AIG1: variants seen among roughly 807,000 people sequenced by gnomAD.
AIG1 encodes androgen-induced gene 1 protein.
AIG1 carries 23 observed loss-of-function variants against 31.4 expected under a neutral mutation model. That is an observed-to-expected ratio of 0.73 (90% CI 0.53 to 1.04). The LOEUF (loss-of-function observed/expected upper bound fraction) is 1.04. Ranked by LOEUF, AIG1 falls within the 50% of genes least tolerant of loss-of-function variation. AIG1 has a pLI of 0.00. For missense variants in AIG1, 274 were observed against 295.0 expected (o/e 0.93, Z 0.52); for synonymous variants, 100 against 110.5 (o/e 0.90, Z 0.60).
At chr6:143,132,678 T>A (rs887969839) in intron 1 of AIG1, among the ~76,000 whole-genome samples, 1 of 151,968 alleles carries the variant, frequency 6.6e-6, no homozygotes, top group Non-Finnish European at 1.5e-5. Context: ...CCTTTGGGTC[T>A]CCAATACACA....
downstream of AIG1, chr6:143,343,228 T>G (rs762345605): frequency 9.4e-5 from 63 of 673,320 alleles, no homozygotes; most frequent in Non-Finnish European, 1.6e-4. Flanking sequence ...GGACGGAAAT[T>G]TTTTGATTAT....
chr6:143,177,683 A>G (rs1258210490), intron 3 of AIG1, among the ~76,000 whole-genome samples: 1 of 152,174 alleles, frequency 6.6e-6, no homozygotes, highest in Non-Finnish European at 1.5e-5. Flanking sequence ...GGGCTCCGGC[A>G]GTAGGGAGCA....
At chr6:143,088,117 C>G (rs945914805) in intron 1 of AIG1, among the ~76,000 whole-genome samples, 4 of 152,158 alleles carry the variant, frequency 2.6e-5, no homozygotes, top group Non-Finnish European at 5.9e-5. Context: ...TTTCTGTGTG[C>G]AGTAATCATG....
chr6:143,146,879 AT>A (rs1784761046), intron 2 of AIG1, among the ~76,000 whole-genome samples: 1 of 152,156 alleles, frequency 6.6e-6, no homozygotes, highest in African/African-American at 2.4e-5. Context: ...ACTTTCATTC[AT>A]TGTACCTTTT....
chr6:143,214,138 A>G (rs1421461879), intron 3 of AIG1, among the ~76,000 whole-genome samples: 2 of 152,202 alleles, frequency 1.3e-5, no homozygotes, highest in African/African-American at 4.8e-5. Flanking sequence ...CAGAAGGGAA[A>G]TGCCTCCGTG....
chr6:143,232,581 CCTTT>C (rs768236571), intron 3 of AIG1, among the ~76,000 whole-genome samples: 2 of 152,176 alleles, frequency 1.3e-5, no homozygotes, highest in Non-Finnish European at 2.9e-5. Context: ...AATAATCCTT[CCTTT>C]GAGGTAAAAA....
chr6:143,122,587 C>G lies in AIG1; in HGVS notation c.142-14248C>G, dbSNP rs113297787. Among the ~76,000 whole-genome samples the G allele has an allele frequency of 3.1e-3, 465 of 152,270 alleles. 5 individuals carry two copies. The highest frequency in any genetic ancestry group is 0.011 in the African/African-American group (446 of 41,544). On this transcript the variant is annotated intron_variant, in intron 1 of 5. Coordinates refer to ENST00000357847, the MANE Select transcript of AIG1 (RefSeq NM_016108.4). ...TTTATAAAATCTCTAATTTTTAGAA[C>G]ATATGTTTCTTTCTATTCGATTCTA...
chr6:143,243,846 G>A (rs1247457453), intron 3 of AIG1, among the ~76,000 whole-genome samples: 1 of 152,184 alleles, frequency 6.6e-6, no homozygotes, highest in African/African-American at 2.4e-5. Context: ...GACTGCATAT[G>A]TGGCACTCAT....
intron 3 of AIG1, among the ~76,000 whole-genome samples, chr6:143,213,508 CTTTTTTTTTTTTTTT>C (rs746350692): frequency 3.3e-5 from 2 of 61,200 alleles, no homozygotes; most frequent in African/African-American, 1.2e-4. Flanking sequence ...TTTCTTTCTT[CTTTTTTTTTTTTTTT>C]TTTTTTTTTT....
chr6:143,263,275 GT>G (rs34950112), intron 3 of AIG1, among the ~76,000 whole-genome samples: 89 of 146,558 alleles, frequency 6.1e-4, no homozygotes, highest in African/African-American at 1.8e-3. Flanking sequence ...TCCTTTATTT[GT>G]TTTTTTTTTT....
chr6:143,111,806 A>G (rs1781297515), intron 1 of AIG1, among the ~76,000 whole-genome samples: 1 of 152,044 alleles, frequency 6.6e-6, no homozygotes. Context: ...TTGTTTCCCC[A>G]TGTCTAGTGA....
Position 143,280,279 on chromosome 6 carries a change from A to G in AIG1, c.400-3831A>G, listed in dbSNP as rs1797254307. Among the ~76,000 whole-genome samples the G allele has an allele frequency of 6.6e-6, 1 of 152,208 alleles. No individual in the cohort carries two copies. Among genetic ancestry groups the G allele is most frequent in the Admixed American group, 6.5e-5 (1 of 15,286 alleles). On this transcript the variant is annotated intron_variant, in intron 3 of 5. Coordinates refer to ENST00000357847, the MANE Select transcript of AIG1 (RefSeq NM_016108.4). The surrounding 1 kb of genome is among the most constrained non-coding windows in gnomAD (Gnocchi z 4.1). Reference sequence around the variant, plus strand: ...GGAACACTTATACACTGTTGGTGGGAGTGTAATTCAACCCATTGTTGAAGG... The same window carrying G: ...GGAACACTTATACACTGTTGGTGGGGGTGTAATTCAACCCATTGTTGAAGG...
intron 1 of AIG1, among the ~76,000 whole-genome samples, chr6:143,135,982 A>G (rs1783693390): frequency 6.6e-6 from 1 of 152,164 alleles, no homozygotes; most frequent in African/African-American, 2.4e-5. Flanking sequence ...TTGAATGATC[A>G]TCTATCTAGC....
intron 1 of AIG1, among the ~76,000 whole-genome samples, chr6:143,120,989 G>A (rs897646266): frequency 6.6e-6 from 1 of 152,248 alleles, no homozygotes; most frequent in Non-Finnish European, 1.5e-5. Flanking sequence ...TGTGCCTTAA[G>A]GACATGCTCC....
rs911038327 is a variant in AIG1, at chr6:143,328,467, G to A, written c.516-4815G>A. Among the ~76,000 whole-genome samples the A allele has an allele frequency of 7.2e-5, 11 of 152,066 alleles. No individual in the cohort carries two copies. The highest frequency in any genetic ancestry group is 2.6e-4 in the Admixed American group (4 of 15,276). ...AGTGGGAGGTTTAAAAAAAGTTGGG[G>A]AATAATCCCTGTGTACCCATGGCAC... is the stretch of plus-strand genomic sequence containing the variant. On this transcript the variant is annotated intron_variant, in intron 4 of 5. Transcript: ENST00000357847. The surrounding 1 kb of genome is among the most constrained non-coding windows in gnomAD (Gnocchi z 4.0).
chr6:143,304,574 G>A (rs993920070), intron 4 of AIG1, among the ~76,000 whole-genome samples: 1 of 152,156 alleles, frequency 6.6e-6, no homozygotes, highest in African/African-American at 2.4e-5. Flanking sequence ...CAGGGATGAA[G>A]CCCACTTGAT....
intron 2 of AIG1, among the ~76,000 whole-genome samples, chr6:143,153,878 G>A (rs1393347989): frequency 2.0e-5 from 3 of 151,668 alleles, no homozygotes; most frequent in Non-Finnish European, 4.4e-5. Context: ...TGAAATAATA[G>A]TCTCTGACAT....
intron 2 of AIG1, among the ~76,000 whole-genome samples, chr6:143,140,208 G>A (rs560879899): frequency 2.6e-5 from 4 of 151,962 alleles, no homozygotes; most frequent in Non-Finnish European, 2.9e-5. Context: ...GGAAAAACTC[G>A]CCCCCATGAT....
chr6:143,174,879 T>G (rs1425615067), intron 3 of AIG1, among the ~76,000 whole-genome samples: 2 of 152,208 alleles, frequency 1.3e-5, no homozygotes, highest in Admixed American at 1.3e-4. Flanking sequence ...CTTGTTTTTT[T>G]CATTGTGTTA....
Sources: gnomAD v4.1 joint callset for allele counts (sites outside exome capture counted in the v4.1 genomes callset) on GRCh38, gnomAD v4.1.1 for gene constraint, Gnocchi (gnomAD v3.1) non-coding constraint, MANE v1.5 for transcripts, NCBI Gene and HGNC (gene_info 2026-07-23, HGNC 2026-07-21) for gene names.